The following SGPP2 variants were observed in gnomAD, a reference collection of about 807,000 sequenced individuals.
SGPP2 encodes sphingosine-1-phosphate phosphatase 2.
SGPP2 carries 30 observed loss-of-function variants against 33.9 expected under a neutral mutation model. The ratio of observed to expected loss-of-function variants is 0.89; its 90% CI spans 0.66 to 1.20. SGPP2 has a LOEUF of 1.20. Ranked by LOEUF, SGPP2 falls within the 50% of genes most tolerant of loss-of-function variation. SGPP2 has a pLI of 0.00. For missense variants in SGPP2, 458 were observed against 532.1 expected, an observed-to-expected ratio of 0.86 and a Z score of 1.37; for synonymous variants, 233 against 225.0, an observed-to-expected ratio of 1.04 and a Z score of -0.32.
At chr2:222,548,758 T>C (rs2106153871) in intron 4 of SGPP2, among the ~76,000 whole-genome samples, 1 of 152,352 alleles carries the variant, frequency 6.6e-6, no homozygotes, top group East Asian at 1.9e-4. Context: ...CATATGCTAA[T>C]TACATGTAGG....
chr2:222,466,872 T>C (rs1697754556), intron 1 of SGPP2, among the ~76,000 whole-genome samples: 1 of 152,214 alleles, frequency 6.6e-6, no homozygotes, highest in South Asian at 2.1e-4. Context: ...CAGGGAGGCA[T>C]GTCTTACCTG....
At chr2:222,441,568 A>G (rs904657509) in intron 1 of SGPP2, among the ~76,000 whole-genome samples, 9 of 152,202 alleles carry the variant, frequency 5.9e-5, no homozygotes, top group African/African-American at 2.2e-4. Context: ...TTTCAAAAGG[A>G]TCTGGAGTGA....
At chr2:222,479,556 C>A (rs570003115) in intron 2 of SGPP2, among the ~76,000 whole-genome samples, 67 of 151,900 alleles carry the variant, frequency 4.4e-4, no homozygotes, top group Middle Eastern at 3.4e-3. Flanking sequence ...GCGCCCACCC[C>A]CACGCCCGGC....
chr2:222,454,243 T>G (rs1299143145), intron 1 of SGPP2, among the ~76,000 whole-genome samples: 6 of 152,216 alleles, frequency 3.9e-5, no homozygotes, highest in Non-Finnish European at 8.8e-5. Context: ...CTGGTGTTTA[T>G]CTTTCTCAAA....
chr2:222,516,447 C>T (rs771374012), intron 2 of SGPP2, among the ~76,000 whole-genome samples: 32 of 152,186 alleles, frequency 2.1e-4, no homozygotes, highest in Middle Eastern at 3.4e-3. Flanking sequence ...GGGTTGTTTC[C>T]AGTTTGGGGC....
At chr2:222,533,811 G>T (rs35661850) in intron 4 of SGPP2, among the ~76,000 whole-genome samples, 1 of 149,550 alleles carries the variant, frequency 6.7e-6, no homozygotes. Context: ...TTTCTATTTC[G>T]CTCCTTAAAG....
intron 1 of SGPP2, among the ~76,000 whole-genome samples, chr2:222,459,142 C>CTTTCTTTTTTTTTT (rs1414316448): frequency 8.5e-4 from 80 of 94,464 alleles, no homozygotes; most frequent in Non-Finnish European, 1.5e-3. Context: ...TTCTTTCTTT[C>CTTTCTTTTTTTTTT]TTTTTTTTTT....
chr2:222,554,695 C>T (rs893908735), intron 4 of SGPP2, among the ~76,000 whole-genome samples: 1 of 152,138 alleles, frequency 6.6e-6, no homozygotes, highest in African/African-American at 2.4e-5. Context: ...GGAGTTGATT[C>T]TCTGCACGGT....
At chr2:222,500,332 C>A (rs80236926) in intron 2 of SGPP2, among the ~76,000 whole-genome samples, 1 of 151,850 alleles carries the variant, frequency 6.6e-6, no homozygotes, top group African/African-American at 2.4e-5. Flanking sequence ...CTGGATGTCT[C>A]GTTTTCAGTT....
At chr2:222,463,890 G>A (rs185934606) in intron 1 of SGPP2, among the ~76,000 whole-genome samples, 100 of 152,232 alleles carry the variant, frequency 6.6e-4, no homozygotes, top group Admixed American at 1.6e-3. Flanking sequence ...AATGTTTTTT[G>A]AAGGGAGGTA....
intron 2 of SGPP2, among the ~76,000 whole-genome samples, chr2:222,499,749 CAT>C (rs772799416): frequency 2.0e-5 from 3 of 152,128 alleles, no homozygotes; most frequent in African/African-American, 2.4e-5. Context: ...AATTCAGTGT[CAT>C]GTGAGTTTTT....
At chr2:222,451,920 A>C (rs930829095) in intron 1 of SGPP2, among the ~76,000 whole-genome samples, 9 of 152,160 alleles carry the variant, frequency 5.9e-5, no homozygotes, top group African/African-American at 2.2e-4. Context: ...CACTGTCTAA[A>C]TGCTTCTCAT....
In SGPP2 at chr2:222,487,959, C is replaced by T. The variant is rs1406137822; in HGVS notation, c.378+13233C>T. ...TACTCCACAGGACAGGAGTGGGGCT[C>T]AGATGTTTATCATAGAGAACAAACG... On this transcript the variant is annotated intron_variant, in intron 2 of 4. Coordinates refer to ENST00000321276, the MANE Select transcript of SGPP2 (RefSeq NM_152386.4). Among the ~76,000 whole-genome samples, 4 of 152,254 alleles carry T rather than the reference C, an allele frequency of 2.6e-5. No homozygotes were observed. The East Asian group carries it at 7.7e-4, about 29-fold the overall frequency.
chr2:222,535,929 C>T (rs1343450073), intron 4 of SGPP2, among the ~76,000 whole-genome samples: 2 of 152,192 alleles, frequency 1.3e-5, no homozygotes, highest in African/African-American at 4.8e-5. Context: ...TCGATAAAGG[C>T]TTAAAGTCTG....
chr2:222,503,115 G>A (rs1199712206), intron 2 of SGPP2, among the ~76,000 whole-genome samples: 1 of 152,112 alleles, frequency 6.6e-6, no homozygotes, highest in Non-Finnish European at 1.5e-5. Flanking sequence ...GAGGCCTAAG[G>A]AAATACTGAA....
intron 4 of SGPP2, among the ~76,000 whole-genome samples, chr2:222,534,413 G>T (rs751867985): frequency 3.3e-5 from 5 of 152,086 alleles, no homozygotes; most frequent in Non-Finnish European, 5.9e-5. Flanking sequence ...TTGATCTCTG[G>T]ATAATTACAC....
chr2:222,449,326 C>G (rs1697446957), intron 1 of SGPP2, among the ~76,000 whole-genome samples: 1 of 152,180 alleles, frequency 6.6e-6, no homozygotes, highest in African/African-American at 2.4e-5. Flanking sequence ...TGAGGACACA[C>G]AAACACAAAT....
intron 1 of SGPP2, among the ~76,000 whole-genome samples, chr2:222,474,082 G>T (rs1048229310): frequency 6.6e-6 from 1 of 152,128 alleles, no homozygotes; most frequent in Admixed American, 6.5e-5. Flanking sequence ...CCTCATAAAT[G>T]TGTACAATTA....
chr2:222,478,044 T>C (rs889506621), intron 2 of SGPP2, among the ~76,000 whole-genome samples: 1 of 152,224 alleles, frequency 6.6e-6, no homozygotes, highest in Non-Finnish European at 1.5e-5. Flanking sequence ...TCTGTAGTTA[T>C]TCTGTGTGGT....
Sources: allele counts gnomAD v4.1 joint callset (sites outside exome capture counted in the v4.1 genomes callset), GRCh38; gene constraint gnomAD v4.1.1; transcripts MANE v1.5; gene names NCBI Gene and HGNC (gene_info 2026-07-23, HGNC 2026-07-21).